Variants in GALNT17 observed in about 807,000 individuals in gnomAD.
GALNT17 encodes the protein polypeptide N-acetylgalactosaminyltransferase 17.
A neutral mutation model predicts 63.7 loss-of-function variants in GALNT17; 29 were observed. That is an observed-to-expected ratio of 0.46 (90% confidence interval 0.34 to 0.62). GALNT17 has a LOEUF of 0.62. GALNT17 is among the 20% of genes least tolerant of loss of function. The pLI, the probability that GALNT17 is intolerant of heterozygous loss-of-function variation, is 0.01. For synonymous variants in GALNT17, 305 were observed against 318.3 expected (o/e 0.96, Z 0.45); for missense variants, 603 against 799.6 (o/e 0.75, Z 2.97).
chr7:71,408,920 G>GTATGTATTTA (rs1335426080), intron 3 of GALNT17, among the ~76,000 whole-genome samples: 1 of 150,502 alleles, frequency 6.6e-6, no homozygotes, highest in African/African-American at 2.4e-5. Flanking sequence ...ATGTATGTAT[G>GTATGTATTTA]TATGTATTTA....
chr7:71,313,423 T>G (rs755430482), intron 1 of GALNT17, among the ~76,000 whole-genome samples: 4 of 152,158 alleles, frequency 2.6e-5, no homozygotes, highest in Non-Finnish European at 5.9e-5. Flanking sequence ...AAATGGAAAT[T>G]TGAAAGAGCC....
intron 1 of GALNT17, among the ~76,000 whole-genome samples, chr7:71,260,625 G>C (rs1790368729): frequency 7.1e-6 from 1 of 140,554 alleles, no homozygotes; most frequent in East Asian, 2.1e-4. Context: ...TTTTTTTTGA[G>C]ACAGTCTTGC....
At chr7:71,172,917 G>A (rs1356060458) in intron 1 of GALNT17, among the ~76,000 whole-genome samples, 4 of 152,194 alleles carry the variant, frequency 2.6e-5, no homozygotes, top group South Asian at 2.1e-4. Flanking sequence ...TGGAAGAACT[G>A]ATGACAGGAA....
At chr7:71,360,906 C>T (rs551285044) in intron 2 of GALNT17, among the ~76,000 whole-genome samples, 4 of 152,200 alleles carry the variant, frequency 2.6e-5, no homozygotes, top group African/African-American at 9.6e-5. Flanking sequence ...GCACTACACT[C>T]CAGTGTGGGT....
At chr7:71,556,629 G>A (rs1220097097) in intron 5 of GALNT17, among the ~76,000 whole-genome samples, 3 of 151,866 alleles carry the variant, frequency 2.0e-5, no homozygotes, top group Admixed American at 6.6e-5. Flanking sequence ...CTCTGCTCTC[G>A]GCTCACTGCA....
intron 5 of GALNT17, among the ~76,000 whole-genome samples, chr7:71,550,667 A>C (rs1789061789): frequency 6.6e-6 from 1 of 152,156 alleles, no homozygotes. Context: ...TACAGACGTG[A>C]GCCACCATGC....
At chr7:71,445,856 G>A (rs1304655732) in intron 5 of GALNT17, among the ~76,000 whole-genome samples, 1 of 151,036 alleles carries the variant, frequency 6.6e-6, no homozygotes, top group Non-Finnish European at 1.5e-5. Flanking sequence ...GTGATGACAG[G>A]AGAGAGTCCT....
At chr7:71,379,892 C>A (rs2116314118) in intron 2 of GALNT17, among the ~76,000 whole-genome samples, 1 of 151,982 alleles carries the variant, frequency 6.6e-6, no homozygotes, top group East Asian at 1.9e-4. Flanking sequence ...GAAGAGAGAA[C>A]AGTGAAGGGC....
intron 5 of GALNT17, among the ~76,000 whole-genome samples, chr7:71,477,618 G>A (rs1267373738): frequency 6.6e-6 from 1 of 152,144 alleles, no homozygotes; most frequent in African/African-American, 2.4e-5. Context: ...GAGCCCAGAC[G>A]TTCGAGGCTG....
chr7:71,670,241 A>T, intron 8 of GALNT17, 132 bp downstream of exon 8: 1 of 1,235,150 alleles, frequency 8.1e-7, no homozygotes, highest in Non-Finnish European at 1.2e-6. Context: ...CCCTGATAGC[A>T]AGATTCTCTC....
At chr7:71,622,537 C>T (rs562491618) in intron 6 of GALNT17, among the ~76,000 whole-genome samples, 102 of 152,218 alleles carry the variant, frequency 6.7e-4, no homozygotes, top group Non-Finnish European at 1.2e-3. Context: ...TTGAATGCAT[C>T]AACTGTCTTG....
intron 9 of GALNT17, among the ~76,000 whole-genome samples, chr7:71,684,243 C>T (rs747637930): frequency 3.4e-4 from 51 of 152,102 alleles, no homozygotes; most frequent in Non-Finnish European, 5.7e-4. Flanking sequence ...TCTGCCAGGC[C>T]CTTCTTGCTA....
Position 71,457,470 on chromosome 7 carries a change from G to A in GALNT17, c.962+36365G>A, listed in dbSNP as rs28874979. On this transcript the variant is annotated intron_variant, in intron 5 of 10. Transcript: ENST00000333538. ...AGTCCGTAGAGTAAAGTGAAAGCAC[G>A]TTTATTAGGAAAGTAAAGGAATAAA... Among the ~76,000 whole-genome samples, 486 of 152,328 alleles carry A rather than the reference G, an allele frequency of 3.2e-3. 1 individual carries two copies. The highest frequency in any genetic ancestry group is 0.011 in the African/African-American group (456 of 41,574).
At chr7:71,416,706 T>C (rs1236566250) in intron 4 of GALNT17, among the ~76,000 whole-genome samples, 2 of 152,206 alleles carry the variant, frequency 1.3e-5, no homozygotes, top group South Asian at 2.1e-4. Context: ...TTTCTTGTTC[T>C]CTTTTCCTTC....
chr7:71,276,842 A>G (rs1279993441), intron 1 of GALNT17, among the ~76,000 whole-genome samples: 1 of 152,142 alleles, frequency 6.6e-6, no homozygotes, highest in Non-Finnish European at 1.5e-5. Flanking sequence ...TACTAAAAAT[A>G]TAAAAATTAA....
chr7:71,140,378 G>T (rs1344759884), intron 1 of GALNT17, among the ~76,000 whole-genome samples: 2 of 152,174 alleles, frequency 1.3e-5, no homozygotes, highest in Non-Finnish European at 2.9e-5. Context: ...GTGTCTGGTT[G>T]CAGTTGGCCC....
chr7:71,236,080 C>G (rs1295146796), intron 1 of GALNT17, among the ~76,000 whole-genome samples: 1 of 151,894 alleles, frequency 6.6e-6, no homozygotes, highest in Non-Finnish European at 1.5e-5. Flanking sequence ...ACTTGGGAGG[C>G]TAAAGCAGGA....
At chr7:71,259,705 A>C (rs1488982298) in intron 1 of GALNT17, among the ~76,000 whole-genome samples, 2 of 143,192 alleles carry the variant, frequency 1.4e-5, no homozygotes, top group Non-Finnish European at 1.5e-5. Context: ...GCAGTGGCGC[A>C]ATCTCGGCTC....
intron 5 of GALNT17, among the ~76,000 whole-genome samples, chr7:71,462,121 C>A (rs1460053372): frequency 6.6e-6 from 1 of 152,144 alleles, no homozygotes; most frequent in Non-Finnish European, 1.5e-5. Flanking sequence ...AGCTACTCAG[C>A]CACCCAGAGT....
Sources: allele counts gnomAD v4.1 joint callset (sites outside exome capture counted in the v4.1 genomes callset), GRCh38; gene constraint gnomAD v4.1.1; transcripts MANE v1.5; gene names NCBI Gene and HGNC (gene_info 2026-07-23, HGNC 2026-07-21).